The following GPN2 variants were observed in gnomAD, a reference collection of about 807,000 sequenced individuals.
The protein encoded by GPN2 is GPN-loop GTPase 2.
In GPN2, 27 loss-of-function variants were observed where a neutral mutation model predicts 30.1. The observed-to-expected ratio is 0.90, with a 90% confidence interval of 0.66 to 1.24. GPN2 has a LOEUF of 1.24. GPN2 is among the 50% of genes most tolerant of loss of function. The pLI, the probability that GPN2 is intolerant of heterozygous loss-of-function variation, is 0.00. For missense variants in GPN2, 406 were observed against 405.4 expected, an observed-to-expected ratio of 1.00 and a Z score of -0.01; for synonymous variants, 212 against 174.4, an observed-to-expected ratio of 1.22 and a Z score of -1.70.
chr1:26,878,115 C>T lies in GPN2; in HGVS notation c.*1562G>A, dbSNP rs1438266793. The T allele has an allele frequency of 6.6e-6, 1 of 152,174 alleles. No homozygotes were observed. The highest frequency in any genetic ancestry group is 6.6e-5 in the Admixed American group (1 of 15,264). 9.4% of individuals were successfully genotyped at this position (152,174 alleles called of 1,614,324 possible). ...CCATCAGTCCTGCCCCTTCTGCCAC[C>T]AGGTTACAACTGCAAAAAATTAGGT... On this transcript the variant is annotated 3_prime_UTR_variant, in exon 5 of 5. Coordinates refer to ENST00000374135, the MANE Select transcript of GPN2 (RefSeq NM_018066.4).
chr1:26,882,207 C>T (rs1310535134), intron 4 of GPN2, among the ~76,000 whole-genome samples: 1 of 137,846 alleles, frequency 7.3e-6, no homozygotes, highest in Non-Finnish European at 1.5e-5. Context: ...ACAAGATTGA[C>T]GGTCCGTCTC....
intron 2 of GPN2, among the ~76,000 whole-genome samples, chr1:26,888,098 G>A (rs1274165040): frequency 1.3e-5 from 2 of 151,832 alleles, no homozygotes; most frequent in Non-Finnish European, 2.9e-5. Flanking sequence ...GACCTCAGGT[G>A]ATCTGCCCAC....
At position 26,886,085 on chromosome 1, in the gene GPN2, A is replaced by G; in HGVS notation, c.617T>C (p.Leu206Pro). 5 of 1,613,842 alleles carry G rather than the reference A, an allele frequency of 3.1e-6. No homozygotes were observed. The highest frequency in any genetic ancestry group is 4.2e-6 in the Non-Finnish European group (5 of 1,179,724). ...YTEVLDLSYL[L>P]DHLASDPFFR... ...GAAAGGGTCAGAAGCCAGGTGGTCA[A>G]GCAGGTAGGAGAGGTCCAGAACCTC... is the stretch of plus-strand genomic sequence containing the variant. Residue 206 changes from leucine (L) to proline (P), a missense_variant, in exon 3 of 5, where the codon CTT becomes CCT. Coordinates refer to ENST00000374135, the MANE Select transcript of GPN2 (RefSeq NM_018066.4).
Position 26,881,108 on chromosome 1 carries a change from C to T in GPN2, c.861-1359G>A, listed in dbSNP as rs201141997. On this transcript the variant is annotated intron_variant, in intron 4 of 4. Coordinates refer to ENST00000374135, the MANE Select transcript of GPN2 (RefSeq NM_018066.4). ...CAAATTATTTGTTAAATGCAGCATACATGGTTTTGTGAATAGAATCCTTTA... is the reference window on the plus strand; with the variant it reads ...CAAATTATTTGTTAAATGCAGCATATATGGTTTTGTGAATAGAATCCTTTA... 8.5e-5 allele frequency among the ~76,000 whole-genome samples: 13 copies of T among 152,290 alleles called. No individual in the cohort carries two copies. The East Asian group carries it at 2.5e-3, about 29-fold the overall frequency.
Position 26,879,250 on chromosome 1 carries a change from C to T in GPN2, c.*427G>A, listed in dbSNP as rs2081852729. On this transcript the variant is annotated 3_prime_UTR_variant, in exon 5 of 5. Transcript: ENST00000374135. ...ACATGACTGGAGACTGAATGTAAATCCTATGTGACTGAATGTGAATTATAT... is the reference window on the plus strand; with the variant it reads ...ACATGACTGGAGACTGAATGTAAATTCTATGTGACTGAATGTGAATTATAT... The T allele has an allele frequency of 5.9e-6, 1 of 170,064 alleles. No individual in the cohort carries two copies. Among genetic ancestry groups the T allele is most frequent in the South Asian group, 1.5e-4 (1 of 6,620 alleles). 10.5% of individuals were successfully genotyped at this position (170,064 alleles called of 1,614,324 possible).
intron 2 of GPN2, among the ~76,000 whole-genome samples, chr1:26,887,248 G>A (rs116382141): frequency 9.3e-4 from 141 of 152,246 alleles, no homozygotes; most frequent in African/African-American, 3.1e-3. Flanking sequence ...TGATGCTGAG[G>A]TCCCTGATTC....
chr1:26,885,523 T>C (rs556657557), intron 3 of GPN2, among the ~76,000 whole-genome samples: 1 of 151,348 alleles, frequency 6.6e-6, no homozygotes, highest in Non-Finnish European at 1.5e-5. Flanking sequence ...CAGCAGCCCC[T>C]GGTCCTGAAA....
At chr1:26,888,163 A>G (rs956689174) in intron 2 of GPN2, among the ~76,000 whole-genome samples, 1 of 151,970 alleles carries the variant, frequency 6.6e-6, no homozygotes, top group African/African-American at 2.4e-5. Context: ...CCCAGCCGAG[A>G]GTACTAATTT....
chr1:26,888,125 GC>G (rs777929887), intron 2 of GPN2, among the ~76,000 whole-genome samples: 8 of 152,098 alleles, frequency 5.3e-5, no homozygotes, highest in Non-Finnish European at 8.8e-5. Flanking sequence ...CTCCCAAAGT[GC>G]TGGGATTACA....
At chr1:26,882,670 G>A (rs1434740192) in intron 4 of GPN2, among the ~76,000 whole-genome samples, 4 of 152,310 alleles carry the variant, frequency 2.6e-5, no homozygotes, top group Admixed American at 6.5e-5. Flanking sequence ...AGCCTAGAGG[G>A]CCTGGACTTT....
At chr1:26,885,618 C>T (rs1268346014) in intron 3 of GPN2, among the ~76,000 whole-genome samples, 11 of 143,978 alleles carry the variant, frequency 7.6e-5, no homozygotes, top group African/African-American at 1.6e-4. Context: ...CTCACTCTGT[C>T]GCCCAGGCTG....
At position 26,890,131 on chromosome 1, in the gene GPN2, GGGAA is replaced by G; in HGVS notation, c.-39_-36del. On this transcript the variant is annotated 5_prime_UTR_variant, in exon 1 of 5. Coordinates refer to ENST00000374135, the MANE Select transcript of GPN2 (RefSeq NM_018066.4). ...GCGGCCCGGAGCAGGTCAACTCACAGGGAAAACGGGGCAGGTAGCCGCGCCGGAG... is the reference window on the plus strand; with the variant it reads ...GCGGCCCGGAGCAGGTCAACTCACAGAACGGGGCAGGTAGCCGCGCCGGAG... 1 of 1,466,658 alleles carries G rather than the reference GGGAA, an allele frequency of 6.8e-7. No individual in the cohort carries two copies. Among genetic ancestry groups the G allele is most frequent in the Non-Finnish European group, 9.0e-7 (1 of 1,113,784 alleles). 90.9% of individuals were successfully genotyped at this position (1,466,658 alleles called of 1,614,324 possible). A position where few individuals can be genotyped will look rare whatever the true frequency, so the allele number is the denominator to read the frequency against.
rs186748306 is a variant in GPN2, at chr1:26,877,045, A to G, written c.*2632T>C. On this transcript the variant is annotated 3_prime_UTR_variant, in exon 5 of 5. Coordinates refer to ENST00000374135, the MANE Select transcript of GPN2 (RefSeq NM_018066.4). ...TAATGCCCTGATAAAGGATTTGTCC[A>G]GTAGCCTGGGCGTCAGGATTCCTGG... is the stretch of plus-strand genomic sequence containing the variant. 129 of 152,354 alleles carry G rather than the reference A, an allele frequency of 8.5e-4. 1 individual carries two copies. The highest frequency in any genetic ancestry group is 2.8e-3 in the African/African-American group (116 of 41,582). The allele number at this position is 152,354 out of a possible 1,614,324, so 9.4% of individuals were successfully genotyped here. A position where few individuals can be genotyped will look rare whatever the true frequency, so the allele number is the denominator to read the frequency against.
At position 26,890,163 on chromosome 1, in the gene GPN2, G is replaced by A. The variant is rs2081914426; in HGVS notation, c.-67C>T. 3.0e-6 allele frequency: 4 copies of A among 1,341,620 alleles called. No homozygotes were observed. The highest frequency in any genetic ancestry group is 4.0e-6 in the Non-Finnish European group (4 of 1,011,338). 83.1% of individuals were successfully genotyped at this position (1,341,620 alleles called of 1,614,324 possible). A position where few individuals can be genotyped will look rare whatever the true frequency, so the allele number is the denominator to read the frequency against. On this transcript the variant is annotated 5_prime_UTR_variant, in exon 1 of 5. Transcript: ENST00000374135. The stretch of plus-strand genomic sequence containing the variant: ...CGGGGCAGGTAGCCGCGCCGGAGAC[G>A]AGACTGAGGGCGAGGGTCCCAGTAC...
chr1:26,881,014 G>A (rs1000218857), intron 4 of GPN2, among the ~76,000 whole-genome samples: 1 of 152,160 alleles, frequency 6.6e-6, no homozygotes, highest in African/African-American at 2.4e-5. Context: ...ATCTTAAGGG[G>A]GTTAGGGTCA....
rs914742568 is a variant in GPN2 at position 26,877,171 on chromosome 1, G to A, written c.*2506C>T. The A allele has an allele frequency of 1.3e-5, 2 of 152,186 alleles. No individual in the cohort carries two copies. The highest frequency in any genetic ancestry group is 2.9e-5 in the Non-Finnish European group (2 of 68,068). The allele number at this position is 152,186 out of a possible 1,614,324, so 9.4% of individuals were successfully genotyped here. ...TTGGTACTTCCTACCTACTCTGTGG[G>A]GTGTTAATAGGGGTGAGGTGCTTTG... On this transcript the variant is annotated 3_prime_UTR_variant, in exon 5 of 5. Transcript: ENST00000374135.
intron 4 of GPN2, among the ~76,000 whole-genome samples, chr1:26,882,217 C>CAA (rs1159136555): frequency 4.8e-4 from 26 of 54,568 alleles, no homozygotes; most frequent in African/African-American, 6.9e-4. Flanking sequence ...CGGTCCGTCT[C>CAA]AAAAAAAAAA....
chr1:26,886,993 C>T (rs1441795256), intron 2 of GPN2, among the ~76,000 whole-genome samples: 1 of 78,822 alleles, frequency 1.3e-5, no homozygotes, highest in Non-Finnish European at 2.4e-5. Flanking sequence ...AACTCTGTCT[C>T]AAAAAAAAAA....
intron 1 of GPN2, 93 bp downstream of exon 1, chr1:26,889,593 C>T: frequency 7.9e-7 from 1 of 1,273,314 alleles, no homozygotes; most frequent in Non-Finnish European, 1.1e-6. Context: ...CGACCCAGCC[C>T]CTACCTCCCT....
Sources: gnomAD v4.1 joint callset for allele counts (sites outside exome capture counted in the v4.1 genomes callset) on GRCh38, gnomAD v4.1.1 for gene constraint, MANE v1.5 for transcripts, NCBI Gene and HGNC (gene_info 2026-07-23, HGNC 2026-07-21) for gene names.